The following PIGK variants were observed in gnomAD, a reference collection of about 807,000 sequenced individuals.
PIGK encodes the protein phosphatidylinositol glycan anchor biosynthesis class K, also known as GPI-anchor transamidase.
In PIGK, 42 loss-of-function variants were observed where a neutral mutation model predicts 50.6. The ratio of observed to expected loss-of-function variants is 0.83; its 90% CI spans 0.65 to 1.07. PIGK has a LOEUF of 1.07. Among genes scored for constraint, PIGK ranks in the 50% least tolerant of loss-of-function variants. The pLI is 0.00. For missense variants in PIGK, 448 were observed against 488.7 expected, an observed-to-expected ratio of 0.92 and a Z score of 0.78; for synonymous variants, 151 against 156.0, an observed-to-expected ratio of 0.97 and a Z score of 0.24.
Position 77,204,550 on chromosome 1 carries a change from A to G in PIGK, c.239+2090T>C, listed in dbSNP as rs542962884. On this transcript the variant is annotated intron_variant, in intron 3 of 10. Coordinates refer to ENST00000370812, the MANE Select transcript of PIGK (RefSeq NM_005482.3). ...GTACACCCCTTCCCTTTTGAAATCC[A>G]TAATAAAAACTTGCTGGTTTTGCGG... is the stretch of plus-strand genomic sequence containing the variant. Among the ~76,000 whole-genome samples the G allele has an allele frequency of 5.3e-5, 8 of 152,186 alleles. No individual in the cohort carries two copies. The East Asian group carries it at 1.4e-3, about 26-fold the overall frequency.
intron 10 of PIGK, among the ~76,000 whole-genome samples, chr1:77,116,879 A>T (rs1278836399): frequency 1.3e-5 from 2 of 152,210 alleles, no homozygotes; most frequent in East Asian, 1.9e-4. Flanking sequence ...CTATTGAGAC[A>T]TAAAATATTG....
intron 10 of PIGK, among the ~76,000 whole-genome samples, chr1:77,104,444 T>A: frequency 6.6e-6 from 1 of 151,938 alleles, no homozygotes; most frequent in East Asian, 1.9e-4. Context: ...AAAAATACAT[T>A]GGATGGAATT....
chr1:77,153,379 T>C lies in PIGK; in HGVS notation c.986+1070A>G, dbSNP rs141517406. Among the ~76,000 whole-genome samples, 3 of 151,860 alleles carry C rather than the reference T, an allele frequency of 2.0e-5. No individual in the cohort carries two copies. The East Asian group carries it at 5.8e-4, about 29-fold the overall frequency. ...TGTTTGGGAGGAGAATGAAGAGAAGTTGGTTAAGCAGTATAAAAATACAGT... is the reference window on the plus strand; with the variant it reads ...TGTTTGGGAGGAGAATGAAGAGAAGCTGGTTAAGCAGTATAAAAATACAGT... On this transcript the variant is annotated intron_variant, in intron 9 of 10. Coordinates refer to ENST00000370812, the MANE Select transcript of PIGK (RefSeq NM_005482.3).
At chr1:77,156,429 C>G (rs964134536) in intron 8 of PIGK, among the ~76,000 whole-genome samples, 12 of 152,124 alleles carry the variant, frequency 7.9e-5, no homozygotes, top group African/African-American at 2.9e-4. Flanking sequence ...CCACAGGTCC[C>G]ATATTACTCA....
At chr1:77,184,967 C>T (rs1318682539) in intron 3 of PIGK, among the ~76,000 whole-genome samples, 6 of 152,218 alleles carry the variant, frequency 3.9e-5, no homozygotes, top group African/African-American at 1.4e-4. Flanking sequence ...GTTCAACTCT[C>T]CCACCTGGCC....
intron 3 of PIGK, among the ~76,000 whole-genome samples, chr1:77,190,126 G>A (rs1655863816): frequency 1.3e-5 from 2 of 152,030 alleles, no homozygotes; most frequent in Admixed American, 1.3e-4. Context: ...AGTGGCTCAT[G>A]CCTGTAATCT....
chr1:77,177,055 C>A (rs1487498069), intron 3 of PIGK, among the ~76,000 whole-genome samples: 1 of 152,152 alleles, frequency 6.6e-6, no homozygotes, highest in Non-Finnish European at 1.5e-5. Flanking sequence ...GCCACTTAAA[C>A]ATTTTATAAA....
At chr1:77,144,723 T>C (rs1654729186) in intron 9 of PIGK, among the ~76,000 whole-genome samples, 1 of 151,882 alleles carries the variant, frequency 6.6e-6, no homozygotes, top group Non-Finnish European at 1.5e-5. Context: ...AAACTACCCA[T>C]GATATGACCA....
At chr1:77,146,722 G>A (rs562738454) in intron 9 of PIGK, among the ~76,000 whole-genome samples, 9 of 152,174 alleles carry the variant, frequency 5.9e-5, no homozygotes, top group East Asian at 5.8e-4. Context: ...GCTAGAACCC[G>A]GGAGGCGGAG....
At position 77,092,190 on chromosome 1, in the gene PIGK, C is replaced by T; in HGVS notation, c.*184G>A. On this transcript the variant is annotated 3_prime_UTR_variant, in exon 11 of 11. Coordinates refer to ENST00000370812, the MANE Select transcript of PIGK (RefSeq NM_005482.3). ...ATACAAAACTGGAATATATTTAGTG[C>T]CATTAAGCAGTTGCATTAACAATTA... 1 of 403,084 alleles carries T rather than the reference C, an allele frequency of 2.5e-6. No individual in the cohort carries two copies. Among genetic ancestry groups the T allele is most frequent in the Non-Finnish European group, 4.4e-6 (1 of 229,010 alleles). The allele number at this position is 403,084 out of a possible 1,614,324, so 25.0% of individuals were successfully genotyped here. A position where few individuals can be genotyped will look rare whatever the true frequency, so the allele number is the denominator to read the frequency against.
At chr1:77,140,391 A>G (rs1654623567) in intron 9 of PIGK, among the ~76,000 whole-genome samples, 2 of 150,606 alleles carry the variant, frequency 1.3e-5, no homozygotes, top group African/African-American at 2.4e-5. Context: ...TATTCTCACC[A>G]TATGATGTGC....
intron 10 of PIGK, among the ~76,000 whole-genome samples, chr1:77,116,566 G>C (rs1332757960): frequency 1.8e-5 from 1 of 56,134 alleles, no homozygotes; most frequent in Non-Finnish European, 4.2e-5. Flanking sequence ...GTGTCTCTGT[G>C]TGTGTGTGTG....
chr1:77,097,104 T>C (rs866232505), intron 10 of PIGK, among the ~76,000 whole-genome samples: 2 of 152,034 alleles, frequency 1.3e-5, no homozygotes, highest in Admixed American at 6.6e-5. Context: ...GATGAGTTCA[T>C]GTCCTTTGTA....
At chr1:77,138,217 G>A (rs1449087906) in intron 9 of PIGK, among the ~76,000 whole-genome samples, 1 of 152,180 alleles carries the variant, frequency 6.6e-6, no homozygotes, top group East Asian at 1.9e-4. Context: ...TAATCAGAAG[G>A]AGACTGTCCT....
At chr1:77,154,729 C>A (rs1557808206) in intron 8 of PIGK, 108 bp from the exon 9 acceptor site, 2 of 720,028 alleles carry the variant, frequency 2.8e-6, no homozygotes, top group African/African-American at 3.7e-5. Context: ...ACTCTCCCAA[C>A]CTAAAGAAGC....
intron 9 of PIGK, chr1:77,154,195 T>C: frequency 1.9e-6 from 1 of 514,174 alleles, no homozygotes; most frequent in South Asian, 3.4e-5. Context: ...TTGTGGCAAG[T>C]ATCAAACTGA....
chr1:77,153,994 A>G (rs2100551056), intron 9 of PIGK: 1 of 166,320 alleles, frequency 6.0e-6, no homozygotes. Context: ...CACATACCCA[A>G]AGTGAACCAA....
intron 10 of PIGK, among the ~76,000 whole-genome samples, chr1:77,117,838 A>G (rs1429936533): frequency 2.6e-5 from 4 of 152,182 alleles, no homozygotes. Context: ...GCATAAAAAT[A>G]TGTCTTCAAC....
At chr1:77,097,280 C>A (rs950553986) in intron 10 of PIGK, among the ~76,000 whole-genome samples, 1 of 152,036 alleles carries the variant, frequency 6.6e-6, no homozygotes. Context: ...TGCCACCATG[C>A]CAGGAATTGC....
Sources: allele counts gnomAD v4.1 joint callset (sites outside exome capture counted in the v4.1 genomes callset), GRCh38; gene constraint gnomAD v4.1.1; transcripts MANE v1.5; gene names NCBI Gene and HGNC (gene_info 2026-07-23, HGNC 2026-07-21).